Variants in PPP1R16A observed in about 807,000 individuals in gnomAD.
The protein encoded by PPP1R16A is protein phosphatase 1 regulatory subunit 16A.
PPP1R16A carries 39 observed loss-of-function variants against 46.6 expected under a neutral mutation model. That is an observed-to-expected ratio of 0.84 (90% CI 0.65 to 1.09). The LOEUF is 1.09. Among genes scored for constraint, PPP1R16A ranks in the 50% least tolerant of loss-of-function variants. The pLI is 0.00. For synonymous variants in PPP1R16A, 413 were observed against 321.5 expected (o/e 1.28, Z -3.04); for missense variants, 798 against 735.6 (o/e 1.08, Z -0.98).
intron 2 of PPP1R16A, among the ~76,000 whole-genome samples, chr8:144,492,550 TG>T (rs1444851661): frequency 6.6e-6 from 1 of 152,104 alleles, no homozygotes; most frequent in Non-Finnish European, 1.5e-5. Flanking sequence ...TTAGCAAGGA[TG>T]GTCTCGATCT....
At chr8:144,494,406 G>A (rs778770471) in intron 2 of PPP1R16A, among the ~76,000 whole-genome samples, 1 of 151,904 alleles carries the variant, frequency 6.6e-6, no homozygotes, top group Non-Finnish European at 1.5e-5. Flanking sequence ...TCTACCTCCC[G>A]GGCTCAAGGG....
chr8:144,498,732 G>C (rs776919236), intron 3 of PPP1R16A, 38 bp from the exon 4 acceptor site: 2 of 1,543,196 alleles, frequency 1.3e-6, no homozygotes, highest in South Asian at 2.5e-5. Flanking sequence ...ACCTGACCAG[G>C]GGCAGGACCC....
At chr8:144,482,936 G>A (rs893957026) in intron 1 of PPP1R16A, among the ~76,000 whole-genome samples, 2 of 151,960 alleles carry the variant, frequency 1.3e-5, no homozygotes, top group Non-Finnish European at 2.9e-5. Context: ...GTGAGCCACC[G>A]CGCCCGGCTT....
At position 144,500,679 on chromosome 8, in the gene PPP1R16A, T is replaced by G; in HGVS notation, c.832-7T>G. The G allele has an allele frequency of 6.2e-7, 1 of 1,609,832 alleles. No homozygotes were observed. The highest frequency in any genetic ancestry group is 8.5e-7 in the Non-Finnish European group (1 of 1,179,502). ...AGCAGTCTGCAGCTCCGGCCTGCCG[T>G]CCACAGGTGCCCCTGGTGGAGCTGC... On this transcript the variant is annotated splice_region_variant and splice_polypyrimidine_tract_variant and intron_variant, in intron 8 of 11. Coordinates refer to ENST00000435887, the MANE Select transcript of PPP1R16A (RefSeq NM_001329443.2).
At position 144,497,018 on chromosome 8, in the gene PPP1R16A, G is replaced by C; in HGVS notation, c.-177G>C. The C allele has an allele frequency of 1.2e-6, 1 of 820,676 alleles. No homozygotes were observed. Among genetic ancestry groups the C allele is most frequent in the South Asian group, 1.7e-5 (1 of 58,330 alleles). 50.8% of individuals were successfully genotyped at this position (820,676 alleles called of 1,614,324 possible). On this transcript the variant is annotated 5_prime_UTR_variant, in exon 3 of 12. Transcript: ENST00000435887. ...GCCCCGGCCCATGCCCCCCAGGGCT[G>C]CCTGGGCCTGGTTATTGTGTGGGGC...
At chr8:144,489,420 G>A (rs934211485) in intron 1 of PPP1R16A, among the ~76,000 whole-genome samples, 1 of 149,578 alleles carries the variant, frequency 6.7e-6, no homozygotes, top group Non-Finnish European at 1.5e-5. Flanking sequence ...CTGGGAGGGG[G>A]TGAGCTGCAC....
At chr8:144,489,488 C>T (rs1472413879) in intron 1 of PPP1R16A, among the ~76,000 whole-genome samples, 1 of 152,042 alleles carries the variant, frequency 6.6e-6, no homozygotes, top group Non-Finnish European at 1.5e-5. Context: ...ACTCACTCGT[C>T]CAGCCACCAC....
Position 144,502,087 on chromosome 8 carries a change from C to T in PPP1R16A, c.*184C>T, listed in dbSNP as rs546399607. ...TCTGGCTGCAAAGACTATTTTTATC[C>T]TGCAACTCTTGATAAAGGGCTGTTT... On this transcript the variant is annotated 3_prime_UTR_variant, in exon 12 of 12. Transcript: ENST00000435887. The T allele has an allele frequency of 5.3e-5, 31 of 587,340 alleles. No individual in the cohort carries two copies. The highest frequency in any genetic ancestry group is 4.7e-4 in the East Asian group (16 of 33,692). 36.4% of individuals were successfully genotyped at this position (587,340 alleles called of 1,614,324 possible). A position where few individuals can be genotyped will look rare whatever the true frequency, so the allele number is the denominator to read the frequency against.
chr8:144,499,972 T>G, intron 5 of PPP1R16A, 124 bp from the exon 6 acceptor site: 1 of 918,570 alleles, frequency 1.1e-6, no homozygotes, highest in Non-Finnish European at 1.6e-6. Context: ...CAGCAGCAGG[T>G]GGACAGGGTG....
At chr8:144,483,080 C>T (rs1332166813) in intron 1 of PPP1R16A, among the ~76,000 whole-genome samples, 1 of 152,196 alleles carries the variant, frequency 6.6e-6, no homozygotes, top group Non-Finnish European at 1.5e-5. Flanking sequence ...CCGCGCCCGG[C>T]CCAACTTTCA....
Position 144,502,107 on chromosome 8 carries a change from C to T in PPP1R16A, c.*204C>T, listed in dbSNP as rs1246071014. On this transcript the variant is annotated 3_prime_UTR_variant, in exon 12 of 12. Coordinates refer to ENST00000435887, the MANE Select transcript of PPP1R16A (RefSeq NM_001329443.2). ...TTATCCTGCAACTCTTGATAAAGGG[C>T]TGTTTTGCCATGGAGCCTCGTTGTG... The T allele has an allele frequency of 1.8e-6, 1 of 561,948 alleles. No homozygotes were observed. 34.8% of individuals were successfully genotyped at this position (561,948 alleles called of 1,614,324 possible).
chr8:144,502,086 C>A lies in PPP1R16A; in HGVS notation c.*183C>A. 1 of 587,918 alleles carries A rather than the reference C, an allele frequency of 1.7e-6. No homozygotes were observed. The highest frequency in any genetic ancestry group is 2.8e-6 in the Non-Finnish European group (1 of 351,302). 36.4% of individuals were successfully genotyped at this position (587,918 alleles called of 1,614,324 possible). On this transcript the variant is annotated 3_prime_UTR_variant, in exon 12 of 12. Transcript: ENST00000435887. ...GTCTGGCTGCAAAGACTATTTTTAT[C>A]CTGCAACTCTTGATAAAGGGCTGTT...
chr8:144,498,489 T>A, intron 3 of PPP1R16A: 1 of 462,982 alleles, frequency 2.2e-6, no homozygotes, highest in Non-Finnish European at 3.9e-6. Flanking sequence ...ATTGTTGGAG[T>A]GCTGCTCTCA....
Position 144,501,993 on chromosome 8 carries a change from C to A in PPP1R16A, c.*90C>A. 2 of 1,319,072 alleles carry A rather than the reference C, an allele frequency of 1.5e-6. No individual in the cohort carries two copies. The highest frequency in any genetic ancestry group is 1.0e-6 in the Non-Finnish European group (1 of 992,944). The allele number at this position is 1,319,072 out of a possible 1,614,324, so 81.7% of individuals were successfully genotyped here. On this transcript the variant is annotated 3_prime_UTR_variant, in exon 12 of 12. Transcript: ENST00000435887. The stretch of plus-strand genomic sequence containing the variant: ...GTGCCCTGGTGCTGCGGGTGCAGCA[C>A]GGAAACCCCGGCTTCTACTGTACAG...
chr8:144,492,358 G>A (rs2251727), intron 2 of PPP1R16A, among the ~76,000 whole-genome samples: 24 of 144,032 alleles, frequency 1.7e-4, no homozygotes, highest in Non-Finnish European at 2.6e-4. Context: ...TTTTTTGATA[G>A]GGAGTCTCTC....
chr8:144,482,655 CTTTTT>C (rs1192242667), intron 1 of PPP1R16A, among the ~76,000 whole-genome samples: 1 of 118,492 alleles, frequency 8.4e-6, no homozygotes, highest in African/African-American at 3.3e-5. Flanking sequence ...GCCCAGCTAA[CTTTTT>C]TTTTTTTTTT....
At chr8:144,497,946 T>G (rs541940534) in intron 3 of PPP1R16A, 11 of 434,616 alleles carry the variant, frequency 2.5e-5, no homozygotes, top group South Asian at 1.8e-4. Context: ...GTGCCTGCCC[T>G]AGGCTCTGCT....
Position 144,500,845 on chromosome 8 carries a change from TGTGCGGGGACGAGGAG to T in PPP1R16A, c.919_934del (p.Asp307ProfsTer6). The T allele has an allele frequency of 6.3e-7, 1 of 1,580,690 alleles. No individual in the cohort carries two copies. Among genetic ancestry groups the T allele is most frequent in the Non-Finnish European group, 8.6e-7 (1 of 1,164,728 alleles). Reference sequence around the variant, plus strand: ...GACGCCTGCGCCCACTTCTCAGATGTGTGCGGGGACGAGGAGGTGCGGGCCAAGCTGCTGGAGCTGA... The same window carrying T: ...GACGCCTGCGCCCACTTCTCAGATGTGTGCGGGCCAAGCTGCTGGAGCTGA... On this transcript the variant is annotated frameshift_variant, in exon 10 of 12. Transcript: ENST00000435887. LOFTEE classifies it high-confidence loss of function.
At chr8:144,485,297 T>C (rs1451033296) in intron 1 of PPP1R16A, among the ~76,000 whole-genome samples, 1 of 123,940 alleles carries the variant, frequency 8.1e-6, no homozygotes, top group Non-Finnish European at 1.6e-5. Context: ...CCAAGGTGGG[T>C]GGATCACTTG....
Sources: gnomAD v4.1 joint callset for allele counts (sites outside exome capture counted in the v4.1 genomes callset) on GRCh38, gnomAD v4.1.1 for gene constraint, MANE v1.5 for transcripts, NCBI Gene and HGNC (gene_info 2026-07-23, HGNC 2026-07-21) for gene names.